Variants in SRFBP1 observed in about 807,000 individuals in gnomAD.
SRFBP1 encodes the protein serum response factor-binding protein 1.
SRFBP1 carries 47 observed loss-of-function variants against 45.5 expected under a neutral mutation model. That is an observed-to-expected ratio of 1.03 (90% CI 0.82 to 1.32). The LOEUF (loss-of-function observed/expected upper bound fraction) is 1.32, where lower values mean the gene tolerates loss of function less well. Ranked by LOEUF, SRFBP1 falls within the 40% of genes most tolerant of loss-of-function variation. SRFBP1 has a pLI of 0.00. For missense variants in SRFBP1, 621 were observed against 484.6 expected, an observed-to-expected ratio of 1.28 and a Z score of -2.64; for synonymous variants, 203 against 166.3, an observed-to-expected ratio of 1.22 and a Z score of -1.70.
At chr5:122,037,125 C>T (rs574830230) in intron 2 of SRFBP1, among the ~76,000 whole-genome samples, 5 of 152,186 alleles carry the variant, frequency 3.3e-5, no homozygotes, top group African/African-American at 1.2e-4. Flanking sequence ...CTCCAACTCC[C>T]GACCTCAGGT....
chr5:122,047,498 T>C (rs1381182748), intron 2 of SRFBP1, among the ~76,000 whole-genome samples: 1 of 152,228 alleles, frequency 6.6e-6, no homozygotes, highest in Admixed American at 6.5e-5. Context: ...CCAGCTTTGT[T>C]CTTTTGGCTT....
At chr5:121,964,157 T>C (rs948950416) in intron 1 of SRFBP1, among the ~76,000 whole-genome samples, 2 of 152,162 alleles carry the variant, frequency 1.3e-5, no homozygotes, top group African/African-American at 4.8e-5. Context: ...CTGTACTAGC[T>C]TCCCAACTAC....
intron 3 of SRFBP1, among the ~76,000 whole-genome samples, chr5:121,982,179 T>C (rs946078157): frequency 3.9e-5 from 6 of 151,984 alleles, no homozygotes; most frequent in African/African-American, 1.4e-4. Flanking sequence ...TCAAATTTAA[T>C]GTTTTAAAAG....
At chr5:122,077,905 G>A, downstream of SRFBP1, 1 of 1,515,984 alleles carries the variant, frequency 6.6e-7, no homozygotes, top group Non-Finnish European at 8.8e-7. The surrounding 1 kb of genome is among the most constrained non-coding windows in gnomAD (Gnocchi z 4.9). Context: ...GCTGCTGTTG[G>A]CCGGCGGCGG....
chr5:122,034,886 G>A (rs1753663346), intron 2 of SRFBP1, among the ~76,000 whole-genome samples: 1 of 151,984 alleles, frequency 6.6e-6, no homozygotes, highest in Non-Finnish European at 1.5e-5. Flanking sequence ...GTTACTCTTA[G>A]TGATCCTGCC....
At chr5:122,056,695 G>T (rs924481931) in intron 2 of SRFBP1, among the ~76,000 whole-genome samples, 1 of 152,152 alleles carries the variant, frequency 6.6e-6, no homozygotes, top group African/African-American at 2.4e-5. Flanking sequence ...TGTTAGCCAA[G>T]TAACACTTTG....
chr5:122,063,080 A>AT (rs1172815857), intron 2 of SRFBP1: 1 of 151,920 alleles, frequency 6.6e-6, no homozygotes, highest in Admixed American at 6.6e-5. Flanking sequence ...TAATTAAACA[A>AT]TTTTTTAGTA....
chr5:122,049,892 T>G lies in SRFBP1; in HGVS notation n.312-25423T>G, dbSNP rs562116734. Among the ~76,000 whole-genome samples the G allele has an allele frequency of 4.3e-4, 66 of 152,302 alleles. 2 individuals are homozygous for G. In the South Asian group the frequency reaches 0.013, roughly 30 times the overall value. On this transcript the variant is annotated intron_variant and non_coding_transcript_variant, in intron 2 of 2. Transcript: ENST00000504881. The stretch of plus-strand genomic sequence containing the variant: ...TTCAAAGCAGTGTGTAGAGGGAAAT[T>G]TATAGCACTAAATGCTCACAAGAGA...
chr5:122,034,196 C>G (rs1363500693), intron 2 of SRFBP1, among the ~76,000 whole-genome samples: 1 of 152,104 alleles, frequency 6.6e-6, no homozygotes, highest in Non-Finnish European at 1.5e-5. Context: ...TCTTTATGAA[C>G]CCAAATGAAG....
At chr5:121,978,905 C>T (rs1022221194) in intron 3 of SRFBP1, among the ~76,000 whole-genome samples, 7 of 152,146 alleles carry the variant, frequency 4.6e-5, no homozygotes, top group Admixed American at 6.5e-5. Context: ...GTTCTGCCTG[C>T]TACCTCTTAC....
downstream of SRFBP1, chr5:122,075,713 C>T: frequency 2.2e-6 from 1 of 446,098 alleles, no homozygotes; most frequent in South Asian, 6.0e-5. Flanking sequence ...GAATCCAAAG[C>T]TCCTAGAACC....
chr5:121,968,460 TG>T (rs903343125), intron 1 of SRFBP1, among the ~76,000 whole-genome samples: 1 of 152,012 alleles, frequency 6.6e-6, no homozygotes, highest in Non-Finnish European at 1.5e-5. Context: ...AAATTGTTGG[TG>T]GGGGGGACTA....
At chr5:122,023,389 A>T (rs906991751) in intron 7 of SRFBP1, among the ~76,000 whole-genome samples, 2 of 152,160 alleles carry the variant, frequency 1.3e-5, no homozygotes, top group Admixed American at 6.5e-5. Context: ...TTTCCATCAA[A>T]TCTCATGGAT....
At chr5:122,033,422 C>T (rs1414310096), downstream of SRFBP1, among the ~76,000 whole-genome samples, 1 of 151,760 alleles carries the variant, frequency 6.6e-6, no homozygotes, top group African/African-American at 2.4e-5. Flanking sequence ...AAAATCTTTC[C>T]TTACAACGGT....
intron 1 of SRFBP1, among the ~76,000 whole-genome samples, chr5:121,964,942 A>G (rs1015049408): frequency 2.6e-4 from 39 of 152,196 alleles, no homozygotes; most frequent in Non-Finnish European, 5.6e-4. Context: ...TCTAATGACC[A>G]CTGGTGATGA....
chr5:122,075,516 C>T, exon 3 of SRFBP1: 1 of 1,611,852 alleles, frequency 6.2e-7, no homozygotes, highest in Non-Finnish European at 8.5e-7. Context: ...TGATCATAAT[C>T]TCTGACATCT....
intron 4 of SRFBP1, among the ~76,000 whole-genome samples, chr5:122,004,268 C>A (rs550355027): frequency 6.6e-5 from 10 of 152,262 alleles, no homozygotes; most frequent in Admixed American, 2.0e-4. Flanking sequence ...TCCAGCCTTA[C>A]GTTTTGGCCT....
At chr5:121,982,810 G>A (rs1752437487) in intron 3 of SRFBP1, among the ~76,000 whole-genome samples, 2 of 151,774 alleles carry the variant, frequency 1.3e-5, no homozygotes, top group East Asian at 1.9e-4. Flanking sequence ...GGAGAAAGCA[G>A]TATAACATGG....
intron 2 of SRFBP1, chr5:122,070,502 T>C: frequency 6.3e-7 from 1 of 1,583,004 alleles, no homozygotes. Context: ...ACCTTTAGGA[T>C]ATAGTTTCCA....
Sources: allele counts gnomAD v4.1 joint callset (sites outside exome capture counted in the v4.1 genomes callset), GRCh38; gene constraint gnomAD v4.1.1; non-coding constraint Gnocchi (gnomAD v3.1); transcripts MANE v1.5; gene names NCBI Gene and HGNC (gene_info 2026-07-23, HGNC 2026-07-21).